SLC41A2: variants seen among roughly 807,000 people sequenced by gnomAD.
SLC41A2 encodes the protein SLC41A1-like 1.
SLC41A2 carries 32 observed loss-of-function variants against 58.3 expected under a neutral mutation model. That is an observed-to-expected ratio of 0.55 (90% CI 0.41 to 0.74). SLC41A2 has a LOEUF of 0.74. SLC41A2 is among the 30% of genes least tolerant of loss of function. The pLI, the probability that SLC41A2 is intolerant of heterozygous loss-of-function variation, is 0.00. For synonymous variants in SLC41A2, 190 were observed against 235.0 expected (o/e 0.81, Z 1.75); for missense variants, 514 against 680.6 (o/e 0.76, Z 2.72).
intron 2 of SLC41A2, among the ~76,000 whole-genome samples, chr12:104,926,779 A>G (rs1392085899): frequency 6.6e-6 from 1 of 152,222 alleles, no homozygotes; most frequent in African/African-American, 2.4e-5. Context: ...CAAATATGAA[A>G]AAGATCAAGA....
At chr12:104,939,512 C>T (rs2245695) in intron 1 of SLC41A2, among the ~76,000 whole-genome samples, 67,128 of 151,984 alleles carry the variant, frequency 0.44, 15,553 homozygotes, top group Middle Eastern at 0.53. Context: ...CATAAAATTG[C>T]TTATTTTTAA....
At chr12:104,875,160 T>G (rs1398633104) in intron 6 of SLC41A2, among the ~76,000 whole-genome samples, 1 of 152,250 alleles carries the variant, frequency 6.6e-6, no homozygotes, top group Non-Finnish European at 1.5e-5. Flanking sequence ...GAATCCCACT[T>G]GGTCATGATG....
chr12:104,828,197 G>A (rs1470998551), intron 10 of SLC41A2, among the ~76,000 whole-genome samples: 2 of 152,160 alleles, frequency 1.3e-5, no homozygotes, highest in Non-Finnish European at 2.9e-5. Flanking sequence ...CCGGCATGCT[G>A]GCAGGCCATC....
rs1454826300 is a variant in SLC41A2, at chr12:104,846,044, CA to C, written c.1256-71del. 1.1e-5 allele frequency: 17 copies of C among 1,501,704 alleles called. No individual in the cohort carries two copies. In the African/African-American group the frequency reaches 2.2e-4, roughly 20 times the overall value. 93.0% of individuals were successfully genotyped at this position (1,501,704 alleles called of 1,614,324 possible). A position where few individuals can be genotyped will look rare whatever the true frequency, so the allele number is the denominator to read the frequency against. The stretch of plus-strand genomic sequence containing the variant: ...CAATTTGCATAAATTCAACCAAAAG[CA>C]AGCCTCTTCGTGTAACATTCTGGGC... On this transcript the variant is annotated intron_variant, in intron 8 of 10. Transcript: ENST00000258538.
intron 1 of SLC41A2, among the ~76,000 whole-genome samples, chr12:104,938,511 A>G (rs1301016820): frequency 6.6e-6 from 1 of 152,184 alleles, no homozygotes; most frequent in East Asian, 1.9e-4. Context: ...TTTGGCCATC[A>G]GAATAAGAGC....
At chr12:104,859,741 CA>C (rs917739629) in intron 8 of SLC41A2, among the ~76,000 whole-genome samples, 3 of 151,944 alleles carry the variant, frequency 2.0e-5, no homozygotes, top group African/African-American at 7.3e-5. Context: ...TACATATATA[CA>C]TTTTTTTTGA....
chr12:104,853,911 A>ATTATTATTATTATTTTTT, intron 8 of SLC41A2, among the ~76,000 whole-genome samples: 781 of 59,394 alleles, frequency 0.013, 32 homozygotes, highest in Middle Eastern at 0.023. Context: ...TGCCTGGCTG[A>ATTATTATTATTATTTTTT]TTTTTTTTTT....
intron 8 of SLC41A2, among the ~76,000 whole-genome samples, chr12:104,846,837 C>G (rs1426221179): frequency 6.6e-6 from 1 of 152,164 alleles, no homozygotes; most frequent in Non-Finnish European, 1.5e-5. Flanking sequence ...AAACCCAGTT[C>G]AACTGCTGAC....
intron 2 of SLC41A2, among the ~76,000 whole-genome samples, chr12:104,925,799 AC>A (rs2046813972): frequency 6.6e-6 from 1 of 152,208 alleles, no homozygotes; most frequent in South Asian, 2.1e-4. Flanking sequence ...TATAGATGTT[AC>A]CATTCTATAG....
At chr12:104,906,717 A>T (rs995207640) in intron 3 of SLC41A2, among the ~76,000 whole-genome samples, 3 of 152,206 alleles carry the variant, frequency 2.0e-5, no homozygotes, top group African/African-American at 4.8e-5. Context: ...TTAAATGCTT[A>T]AAAAGCATTT....
intron 2 of SLC41A2, among the ~76,000 whole-genome samples, chr12:104,912,057 C>T (rs1299623771): frequency 6.6e-6 from 1 of 152,148 alleles, no homozygotes; most frequent in Non-Finnish European, 1.5e-5. Flanking sequence ...GACTCACTCA[C>T]TTAATCTTCA....
chr12:104,928,218 T>C lies in SLC41A2; in HGVS notation c.310A>G (p.Ser104Gly), dbSNP rs1453341242. 6.2e-7 allele frequency: 1 copy of C among 1,614,196 alleles called. No homozygotes were observed. The highest frequency in any genetic ancestry group is 1.1e-5 in the South Asian group (1 of 91,084). The change falls in exon 2 of 11, where the codon AGC becomes GGC. Residue 104 changes from serine to glycine, a missense_variant. This residue lies in a region of SLC41A2 where 336 missense variants were observed against 430.0 expected (regional missense o/e 0.78). Transcript: ENST00000258538. ...TAGTCATCATACTTTTGGCTGCAGC[T>C]TGATGATGCGTGCCCATTATTGGCA... Reference protein sequence around the residue: ...FHANNGHASSSCSQKYDDYAN... With the variant: ...FHANNGHASSGCSQKYDDYAN...
At chr12:104,904,283 A>C (rs1254593964) in intron 3 of SLC41A2, among the ~76,000 whole-genome samples, 2 of 152,234 alleles carry the variant, frequency 1.3e-5, no homozygotes, top group Non-Finnish European at 2.9e-5. Context: ...TGTTTATCAG[A>C]GCAAAGTTCA....
At chr12:104,933,433 A>C (rs1483242486) in intron 1 of SLC41A2, among the ~76,000 whole-genome samples, 2 of 152,198 alleles carry the variant, frequency 1.3e-5, no homozygotes, top group Non-Finnish European at 2.9e-5. Context: ...TGCTGGTGGG[A>C]ATGTAAATTT....
At chr12:104,926,913 T>C (rs2046865756) in intron 2 of SLC41A2, among the ~76,000 whole-genome samples, 1 of 151,658 alleles carries the variant, frequency 6.6e-6, no homozygotes, top group African/African-American at 2.4e-5. Context: ...CAGCAAGACC[T>C]TGTCTCTAAA....
At chr12:104,851,910 T>C (rs1225273084) in intron 8 of SLC41A2, 1 of 152,108 alleles carries the variant, frequency 6.6e-6, no homozygotes, top group Non-Finnish European at 1.5e-5. Flanking sequence ...CTAAACTCAC[T>C]GACATTAAAA....
chr12:104,851,272 C>G (rs945771570), intron 8 of SLC41A2, among the ~76,000 whole-genome samples: 6 of 152,048 alleles, frequency 3.9e-5, no homozygotes, highest in Non-Finnish European at 8.8e-5. Flanking sequence ...ATTCATTGGT[C>G]AGAGGATGTC....
rs764318488 is a variant in SLC41A2, at chr12:104,863,320, G to A, written c.1176-1950C>T. Among the ~76,000 whole-genome samples, 10 of 152,026 alleles carry A rather than the reference G, an allele frequency of 6.6e-5. No homozygotes were observed. In the South Asian group the frequency reaches 8.3e-4, roughly 13 times the overall value. On this transcript the variant is annotated intron_variant, in intron 7 of 10. Transcript: ENST00000258538. ...TGGGTGGGTGCATGCCTGTAGTCCC[G>A]GCTGTTCAAGAAACTGAGGCAGGAG...
intron 1 of SLC41A2, among the ~76,000 whole-genome samples, chr12:104,936,900 G>A (rs988532980): frequency 5.9e-5 from 9 of 152,194 alleles, no homozygotes; most frequent in African/African-American, 1.9e-4. Context: ...TGTGTTTTAA[G>A]CTAAGTATTA....
Sources: allele counts gnomAD v4.1 joint callset (sites outside exome capture counted in the v4.1 genomes callset), GRCh38; gene constraint gnomAD v4.1.1; regional missense constraint gnomAD v4.1.1; transcripts MANE v1.5; gene names NCBI Gene and HGNC (gene_info 2026-07-23, HGNC 2026-07-21).